The following SGCZ variants were observed in gnomAD, a reference collection of about 807,000 sequenced individuals.
The protein encoded by SGCZ is zeta-sarcoglycan.
SGCZ carries 40 observed loss-of-function variants against 41.3 expected under a neutral mutation model. The ratio of observed to expected loss-of-function variants is 0.97; its 90% CI spans 0.75 to 1.26. The LOEUF (loss-of-function observed/expected upper bound fraction) is 1.26, where lower values mean the gene tolerates loss of function less well. Ranked by LOEUF, SGCZ falls within the 50% of genes most tolerant of loss-of-function variation. The pLI, the probability that SGCZ is intolerant of heterozygous loss-of-function variation, is 0.00. For synonymous variants in SGCZ, 206 were observed against 137.5 expected (o/e 1.50, Z -3.49); for missense variants, 552 against 369.8 (o/e 1.49, Z -4.04).
chr8:14,553,882 T>C (rs1309117332), intron 2 of SGCZ, among the ~76,000 whole-genome samples: 1 of 152,014 alleles, frequency 6.6e-6, no homozygotes, highest in African/African-American at 2.4e-5. Context: ...ATAATAGCAG[T>C]CTGGTCAGCA....
At chr8:15,111,482 T>A (rs1807050932) in intron 1 of SGCZ, among the ~76,000 whole-genome samples, 1 of 152,080 alleles carries the variant, frequency 6.6e-6, no homozygotes, top group Admixed American at 6.5e-5. Context: ...CCTTCACACA[T>A]TTAGGGGGTA....
chr8:15,120,213 G>T (rs1246857882), intron 1 of SGCZ, among the ~76,000 whole-genome samples: 1 of 152,134 alleles, frequency 6.6e-6, no homozygotes, highest in African/African-American at 2.4e-5. Context: ...ATAAGATTTT[G>T]ATTTAAAAAC....
At chr8:15,123,204 GT>G (rs531954986) in intron 1 of SGCZ, among the ~76,000 whole-genome samples, 321 of 152,214 alleles carry the variant, frequency 2.1e-3, no homozygotes, top group African/African-American at 7.5e-3. Flanking sequence ...AGCATCCTAA[GT>G]TTTTTCCAGG....
chr8:14,391,179 G>C (rs190735504), intron 2 of SGCZ, among the ~76,000 whole-genome samples: 1 of 152,082 alleles, frequency 6.6e-6, no homozygotes, highest in Non-Finnish European at 1.5e-5. Flanking sequence ...CCAGGTTTGA[G>C]AATGGAAAAA....
At chr8:14,884,412 CTATT>C (rs1682955958) in intron 1 of SGCZ, among the ~76,000 whole-genome samples, 1 of 151,666 alleles carries the variant, frequency 6.6e-6, no homozygotes, top group South Asian at 2.1e-4. Flanking sequence ...GATAAATGAA[CTATT>C]TATTTATGCC....
intron 2 of SGCZ, among the ~76,000 whole-genome samples, chr8:14,446,538 T>C (rs2117386411): frequency 6.6e-6 from 1 of 152,320 alleles, no homozygotes; most frequent in East Asian, 1.9e-4. Flanking sequence ...ATTCAGAAGT[T>C]TGTTTTCCAT....
chr8:14,397,930 T>C (rs1444956889), intron 2 of SGCZ, among the ~76,000 whole-genome samples: 1 of 152,140 alleles, frequency 6.6e-6, no homozygotes, highest in Non-Finnish European at 1.5e-5. Flanking sequence ...TGAGCCCTGC[T>C]CTCTGATTAC....
chr8:14,164,982 G>C, intron 4 of SGCZ: 1 of 322,204 alleles, frequency 3.1e-6, no homozygotes, highest in Non-Finnish European at 5.9e-6. Context: ...TCCACAAAAA[G>C]AGACAATGTT....
chr8:14,145,744 C>A (rs1161365121), intron 5 of SGCZ, among the ~76,000 whole-genome samples: 2 of 152,056 alleles, frequency 1.3e-5, no homozygotes, highest in Non-Finnish European at 2.9e-5. Flanking sequence ...ATAAATTTAT[C>A]AAAGAGATTG....
At chr8:14,100,476 G>C (rs13250996) in intron 7 of SGCZ, among the ~76,000 whole-genome samples, 54,211 of 148,528 alleles carry the variant, frequency 0.36, 11,509 homozygotes, top group Non-Finnish European at 0.49. Flanking sequence ...AAGTATTGTA[G>C]TCTACAACTG....
intron 3 of SGCZ, among the ~76,000 whole-genome samples, chr8:14,318,243 G>GT: frequency 6.6e-6 from 1 of 151,820 alleles, no homozygotes; most frequent in Middle Eastern, 3.4e-3. Context: ...GAGGAAGAGG[G>GT]AGAAGGGCAA....
intron 2 of SGCZ, among the ~76,000 whole-genome samples, chr8:14,341,620 C>G (rs1802709505): frequency 6.6e-6 from 1 of 152,222 alleles, no homozygotes; most frequent in East Asian, 1.9e-4. Flanking sequence ...TGTCCCCTCC[C>G]AAATCTCAAC....
At chr8:15,004,883 G>A (rs1288030041) in intron 1 of SGCZ, among the ~76,000 whole-genome samples, 2 of 67,006 alleles carry the variant, frequency 3.0e-5, no homozygotes, top group Non-Finnish European at 6.7e-5. Flanking sequence ...TTCTTTGTGT[G>A]CTGTTCAAAT....
At chr8:14,882,250 C>T (rs749777256) in intron 1 of SGCZ, among the ~76,000 whole-genome samples, 8 of 152,070 alleles carry the variant, frequency 5.3e-5, no homozygotes, top group East Asian at 1.9e-4. Flanking sequence ...TTTCAGAAGC[C>T]GGAACAGAAG....
intron 2 of SGCZ, among the ~76,000 whole-genome samples, chr8:14,499,153 G>C (rs374552928): frequency 6.6e-6 from 1 of 151,742 alleles, no homozygotes; most frequent in Non-Finnish European, 1.5e-5. Context: ...CTAAGAATTT[G>C]TGTGAAAAAT....
chr8:14,112,758 T>A (rs1229786746), intron 5 of SGCZ, among the ~76,000 whole-genome samples: 2 of 152,106 alleles, frequency 1.3e-5, no homozygotes, highest in African/African-American at 4.8e-5. Context: ...ATCTCTAAGG[T>A]ACTTGCAATT....
intron 4 of SGCZ, among the ~76,000 whole-genome samples, chr8:14,182,155 G>C (rs7008062): frequency 0.22 from 33,310 of 151,994 alleles, 5,407 homozygotes; most frequent in African/African-American, 0.45. Context: ...CAGGGACTCT[G>C]ACACAAAATT....
chr8:14,182,684 G>C (rs935603935), intron 4 of SGCZ, among the ~76,000 whole-genome samples: 1 of 152,100 alleles, frequency 6.6e-6, no homozygotes, highest in Non-Finnish European at 1.5e-5. Flanking sequence ...GATCAGTGAT[G>C]ACAAAAGTAG....
intron 1 of SGCZ, among the ~76,000 whole-genome samples, chr8:14,790,204 T>C (rs1003405819): frequency 3.3e-5 from 5 of 152,198 alleles, no homozygotes; most frequent in African/African-American, 1.2e-4. Context: ...AAGTCTGTCC[T>C]TAAATATATC....
Sources: gnomAD v4.1 joint callset for allele counts (sites outside exome capture counted in the v4.1 genomes callset) on GRCh38, gnomAD v4.1.1 for gene constraint, MANE v1.5 for transcripts, NCBI Gene and HGNC (gene_info 2026-07-23, HGNC 2026-07-21) for gene names.